CNNM2: variants seen among roughly 807,000 people sequenced by gnomAD.
CNNM2 encodes the protein metal transporter CNNM2.
In CNNM2, 12 loss-of-function variants were observed where a neutral mutation model predicts 66.9. The observed-to-expected ratio is 0.18, with a 90% confidence interval of 0.11 to 0.29. The LOEUF is 0.29. Ranked by LOEUF, CNNM2 falls within the 10% of genes least tolerant of loss-of-function variation. The pLI is 1.00. For synonymous variants in CNNM2, 557 were observed against 501.8 expected (o/e 1.11, Z -1.47); for missense variants, 705 against 1,167.7 (o/e 0.60, Z 5.77).
At position 103,088,251 on chromosome 10, in the gene CNNM2, A is replaced by T. The variant is rs947027349; in HGVS notation, c.*11071A>T. ...GGAAGAAAATATACAATGGTTAAAGAAAGAGTCTATAACCACTGTTTGTTT... is the reference window on the plus strand; with the variant it reads ...GGAAGAAAATATACAATGGTTAAAGTAAGAGTCTATAACCACTGTTTGTTT... On this transcript the variant is annotated 3_prime_UTR_variant, in exon 8 of 8. Coordinates refer to ENST00000369878, the MANE Select transcript of CNNM2 (RefSeq NM_017649.5). 3.3e-5 allele frequency: 5 copies of T among 152,250 alleles called. No individual in the cohort carries two copies. The highest frequency in any genetic ancestry group is 3.3e-4 in the Admixed American group (5 of 15,290). The allele number at this position is 152,250 out of a possible 1,614,324, so 9.4% of individuals were successfully genotyped here.
intron 1 of CNNM2, among the ~76,000 whole-genome samples, chr10:103,043,764 A>G (rs976461387): frequency 4.6e-5 from 7 of 152,192 alleles, no homozygotes; most frequent in South Asian, 2.1e-4. Context: ...CCTGAGCACT[A>G]GTGGTTATAG....
At chr10:102,930,378 C>G (rs1467095342) in intron 1 of CNNM2, among the ~76,000 whole-genome samples, 2 of 152,098 alleles carry the variant, frequency 1.3e-5, no homozygotes, top group African/African-American at 2.4e-5. Flanking sequence ...GTGAAAATCT[C>G]CTTGTTAACT....
intron 1 of CNNM2, among the ~76,000 whole-genome samples, chr10:102,971,262 GAAAAA>G (rs202223790): frequency 5.1e-5 from 6 of 117,402 alleles, no homozygotes; most frequent in Non-Finnish European, 7.3e-5. Context: ...AAAAAAAAAA[GAAAAA>G]AAAAAAAGTC....
chr10:103,009,271 G>A lies in CNNM2; in HGVS notation c.1622-40436G>A, dbSNP rs954649249. ...GCCTGGGCAACAAGATTGAAACTCCGTCTCAAAAAAAACGGAAAACACAAC... is the reference window on the plus strand; with the variant it reads ...GCCTGGGCAACAAGATTGAAACTCCATCTCAAAAAAAACGGAAAACACAAC... On this transcript the variant is annotated intron_variant, in intron 1 of 7. Transcript: ENST00000369878. Among the ~76,000 whole-genome samples the A allele has an allele frequency of 1.4e-4, 22 of 151,876 alleles. No homozygotes were observed. In the South Asian group the frequency reaches 1.7e-3, roughly 11 times the overall value.
At chr10:102,933,951 A>C (rs1846143991) in intron 1 of CNNM2, among the ~76,000 whole-genome samples, 1 of 151,668 alleles carries the variant, frequency 6.6e-6, no homozygotes, top group Admixed American at 6.6e-5. Context: ...CTTCCACCTC[A>C]GCCTCCCAAG....
intron 1 of CNNM2, among the ~76,000 whole-genome samples, chr10:102,983,127 G>A (rs2063741911): frequency 6.6e-6 from 1 of 151,764 alleles, no homozygotes. Flanking sequence ...AATTGTGATA[G>A]AACTAGAAAT....
At chr10:102,982,220 A>G (rs535480770) in intron 1 of CNNM2, among the ~76,000 whole-genome samples, 16 of 152,226 alleles carry the variant, frequency 1.1e-4, no homozygotes, top group African/African-American at 3.6e-4. Flanking sequence ...AAATCTCACT[A>G]TTAGCACTTG....
Position 103,044,566 on chromosome 10 carries a change from G to C in CNNM2, c.1622-5141G>C, listed in dbSNP as rs546028710. On this transcript the variant is annotated intron_variant, in intron 1 of 7. Coordinates refer to ENST00000369878, the MANE Select transcript of CNNM2 (RefSeq NM_017649.5). ...CCCTGTCTCAGAAAAAAAAAAAAAA[G>C]TTGTTTACATTTTCTTTTTGATTTA... Among the ~76,000 whole-genome samples the C allele has an allele frequency of 2.5e-4, 37 of 149,864 alleles. 1 individual carries two copies. The South Asian group carries it at 6.8e-3, about 27-fold the overall frequency.
chr10:102,925,952 G>A (rs1417106683), intron 1 of CNNM2, among the ~76,000 whole-genome samples: 1 of 152,110 alleles, frequency 6.6e-6, no homozygotes, highest in Non-Finnish European at 1.5e-5. Flanking sequence ...AATATAAGAT[G>A]TTTTATTTGA....
At chr10:102,927,302 T>G in intron 1 of CNNM2, 1 of 1,611,850 alleles carries the variant, frequency 6.2e-7, no homozygotes, top group South Asian at 1.1e-5. Flanking sequence ...TTGAATACAG[T>G]TTTTTAAAGT....
intron 6 of CNNM2, among the ~76,000 whole-genome samples, chr10:103,075,127 G>A (rs917875082): frequency 1.3e-5 from 2 of 152,186 alleles, no homozygotes; most frequent in Non-Finnish European, 2.9e-5. Flanking sequence ...CCCGATAGCC[G>A]AAGGGCAGGT....
intron 1 of CNNM2, among the ~76,000 whole-genome samples, chr10:102,934,957 G>A (rs1846182400): frequency 6.6e-6 from 1 of 151,716 alleles, no homozygotes; most frequent in Non-Finnish European, 1.5e-5. Context: ...TCAGGAGTTC[G>A]AGACCAGCCT....
chr10:103,034,479 G>A (rs1039447352), intron 1 of CNNM2, among the ~76,000 whole-genome samples: 11 of 152,056 alleles, frequency 7.2e-5, no homozygotes, highest in African/African-American at 2.2e-4. Flanking sequence ...ACATTGTCTG[G>A]GCTTAGGTAA....
intron 1 of CNNM2, among the ~76,000 whole-genome samples, chr10:102,922,952 AAAAG>A (rs1845709727): frequency 6.6e-6 from 1 of 152,040 alleles, no homozygotes; most frequent in South Asian, 2.1e-4. Flanking sequence ...AAAAAAAAAA[AAAAG>A]AAACAAAATT....
At chr10:103,006,715 C>A (rs946950354) in intron 1 of CNNM2, among the ~76,000 whole-genome samples, 4 of 152,146 alleles carry the variant, frequency 2.6e-5, no homozygotes, top group African/African-American at 7.2e-5. Flanking sequence ...CAGCCTTGAC[C>A]CCTCTAGCTC....
In CNNM2 at chr10:103,089,504, A is replaced by AT. The variant is rs2066149426; in HGVS notation, c.*12324_*12325insT. ...CCATCTGCAGAGAGTACAGATACAC[A>AT]AAACCAAAACAAGTATCTATGATAA... On this transcript the variant is annotated 3_prime_UTR_variant, in exon 8 of 8. Coordinates refer to ENST00000369878, the MANE Select transcript of CNNM2 (RefSeq NM_017649.5). 7.7e-7 allele frequency: 1 copy of AT among 1,302,600 alleles called. No homozygotes were observed. The highest frequency in any genetic ancestry group is 1.5e-5 in the African/African-American group (1 of 67,004). 80.7% of individuals were successfully genotyped at this position (1,302,600 alleles called of 1,614,324 possible).
chr10:102,995,163 C>A, intron 1 of CNNM2, among the ~76,000 whole-genome samples: 1 of 141,216 alleles, frequency 7.1e-6, no homozygotes, highest in African/African-American at 2.7e-5. Context: ...CCCTCTTCCT[C>A]CTCCTCCCCC....
At chr10:103,023,480 G>A (rs376923003) in intron 1 of CNNM2, among the ~76,000 whole-genome samples, 4 of 152,214 alleles carry the variant, frequency 2.6e-5, no homozygotes, top group South Asian at 2.1e-4. Flanking sequence ...CCTGGGAGGC[G>A]GAGATTTTGG....
intron 1 of CNNM2, among the ~76,000 whole-genome samples, chr10:103,043,579 G>T (rs768745342): frequency 2.6e-5 from 4 of 152,182 alleles, no homozygotes; most frequent in African/African-American, 4.8e-5. Context: ...ATTCTGGGCT[G>T]GTTTACCAAT....
Sources: allele counts gnomAD v4.1 joint callset (sites outside exome capture counted in the v4.1 genomes callset), GRCh38; gene constraint gnomAD v4.1.1; transcripts MANE v1.5; gene names NCBI Gene and HGNC (gene_info 2026-07-23, HGNC 2026-07-21).